The following OR1F1 variants were observed in gnomAD, a reference collection of about 807,000 sequenced individuals.
OR1F1 encodes the protein olfactory receptor 1F1.
For synonymous variants in OR1F1, 184 were observed against 156.7 expected (o/e 1.17, Z -1.30); for missense variants, 493 against 376.3 (o/e 1.31, Z -2.57).
the OR1F1 span, among the ~76,000 whole-genome samples, chr16:3,192,555 CT>C: frequency 6.6e-6 from 1 of 152,218 alleles, no homozygotes; most frequent in African/African-American, 2.4e-5. Flanking sequence ...TCTTGAGCAG[CT>C]CCAACACTGC....
At chr16:3,189,679 T>C in the OR1F1 span, 1 of 151,598 alleles carries the variant, frequency 6.6e-6, no homozygotes, top group Non-Finnish European at 1.5e-5. Context: ...GTGCGAGAGG[T>C]CCCGGGTTCA....
the OR1F1 span, among the ~76,000 whole-genome samples, chr16:3,197,264 C>A: frequency 1.3e-5 from 2 of 151,918 alleles, no homozygotes; most frequent in African/African-American, 4.8e-5. Context: ...GGTGGTCCAC[C>A]TGCCTCGGCC....
the OR1F1 span, among the ~76,000 whole-genome samples, chr16:3,191,597 T>G: frequency 7.1e-6 from 1 of 141,326 alleles, no homozygotes; most frequent in African/African-American, 2.7e-5. Flanking sequence ...CTTGCTACCT[T>G]GGAGTTCTGG....
At chr16:3,196,454 G>C in the OR1F1 span, among the ~76,000 whole-genome samples, 3 of 151,916 alleles carry the variant, frequency 2.0e-5, no homozygotes, top group South Asian at 6.3e-4. Flanking sequence ...TACGATTACA[G>C]CTCACTGCAT....
exon 1 of OR1F1, chr16:3,204,492 G>T: frequency 6.2e-7 from 1 of 1,614,058 alleles, no homozygotes; most frequent in South Asian, 1.1e-5. Flanking sequence ...CCAAGATGCT[G>T]GCCAATCACA....
At chr16:3,204,945 A>G in exon 1 of OR1F1, 1 of 1,614,078 alleles carries the variant, frequency 6.2e-7, no homozygotes, top group Non-Finnish European at 8.5e-7. Context: ...CCACAAAGGG[A>G]AGGTGGAAAG....
At chr16:3,204,068 C>A (rs971608038), upstream of OR1F1, among the ~76,000 whole-genome samples, 1 of 152,224 alleles carries the variant, frequency 6.6e-6, no homozygotes, top group African/African-American at 2.4e-5. Flanking sequence ...CTGGCTCAGA[C>A]TTCTGTAAAC....
chr16:3,189,976 C>T, the OR1F1 span, among the ~76,000 whole-genome samples: 29 of 151,946 alleles, frequency 1.9e-4, no homozygotes, highest in East Asian at 5.6e-3. Context: ...TTTTTTGTTA[C>T]TTCTGGCAGT....
At chr16:3,199,714 G>A (rs935851934), upstream of OR1F1, among the ~76,000 whole-genome samples, 12 of 152,046 alleles carry the variant, frequency 7.9e-5, no homozygotes, top group Non-Finnish European at 1.5e-4. Flanking sequence ...AAAAGAAAAA[G>A]GATATTTTGA....
chr16:3,190,478 G>A, the OR1F1 span, among the ~76,000 whole-genome samples: 10 of 152,278 alleles, frequency 6.6e-5, no homozygotes, highest in South Asian at 1.9e-3. Context: ...AGGCAGGGAG[G>A]CAGGGCTCAC....
At chr16:3,206,164 A>C (rs1021168298), downstream of OR1F1, among the ~76,000 whole-genome samples, 20 of 152,164 alleles carry the variant, frequency 1.3e-4, no homozygotes, top group African/African-American at 3.9e-4. Context: ...TGAGATAAGG[A>C]CTGAAATATG....
upstream of OR1F1, among the ~76,000 whole-genome samples, chr16:3,201,732 C>G (rs1180290347): frequency 3.3e-5 from 5 of 152,150 alleles, no homozygotes; most frequent in Non-Finnish European, 7.3e-5. Flanking sequence ...GGCTCGGACA[C>G]TGGACCAAAT....
In OR1F1 at chr16:3,204,304, C is replaced by T. The variant is rs1958172965; in HGVS notation, c.58C>T (p.Gln20Ter). The T allele has an allele frequency of 6.2e-7, 1 of 1,613,832 alleles. No individual in the cohort carries two copies. Among genetic ancestry groups the T allele is most frequent in the Admixed American group, 1.7e-5 (1 of 59,984 alleles). Residue 20 changes from glutamine (Q) to a stop codon, truncating the protein, a stop_gained, in exon 1 of 1, where the codon CAG (glutamine) becomes TAG (stop). Coordinates refer to ENST00000304646, the Ensembl canonical transcript of OR1F1. LOFTEE classifies it low-confidence loss of function (END_TRUNC). ...GTTCCTCCTCCTGGGACTCTCCAGG[C>T]AGCCCCAGCAGCAGCATCTCCTCTT...
chr16:3,191,527 T>G, the OR1F1 span, among the ~76,000 whole-genome samples: 1,382 of 152,248 alleles, frequency 9.1e-3, 11 homozygotes, highest in Non-Finnish European at 0.014. Context: ...CGGTAGAGCA[T>G]GGGACTCTTA....
chr16:3,188,905 C>T, the OR1F1 span, among the ~76,000 whole-genome samples: 1 of 152,130 alleles, frequency 6.6e-6, no homozygotes, highest in Admixed American at 6.5e-5. Flanking sequence ...CAGTGAAGGG[C>T]AAGGGGGCGC....
the OR1F1 span, among the ~76,000 whole-genome samples, chr16:3,189,230 G>A: frequency 2.0e-5 from 3 of 152,212 alleles, no homozygotes; most frequent in Non-Finnish European, 4.4e-5. Flanking sequence ...GTGCCACGCT[G>A]AGGGACTGCA....
At chr16:3,191,607 G>T in the OR1F1 span, among the ~76,000 whole-genome samples, 2 of 87,338 alleles carry the variant, frequency 2.3e-5, no homozygotes, top group African/African-American at 9.7e-5. Context: ...TGGAGTTCTG[G>T]AAACAGCCAG....
chr16:3,196,351 C>T, the OR1F1 span, among the ~76,000 whole-genome samples: 1 of 152,136 alleles, frequency 6.6e-6, no homozygotes, highest in Admixed American at 6.5e-5. Flanking sequence ...TTAGGAGATG[C>T]TAATCGGGGC....
upstream of OR1F1, among the ~76,000 whole-genome samples, chr16:3,203,887 A>G (rs1287883681): frequency 1.3e-5 from 2 of 152,258 alleles, no homozygotes; most frequent in Non-Finnish European, 2.9e-5. Flanking sequence ...TCCTGAGCTC[A>G]GCAGCAGTCC....
Sources: gnomAD v4.1 joint callset for allele counts (sites outside exome capture counted in the v4.1 genomes callset) on GRCh38, gnomAD v4.1.1 for gene constraint, MANE v1.5 for transcripts, NCBI Gene and HGNC (gene_info 2026-07-23, HGNC 2026-07-21) for gene names.